GLI3: variants seen among roughly 807,000 people sequenced by gnomAD.
GLI3 encodes the protein GLI family zinc finger 3.
Under a neutral mutation model 100.8 loss-of-function variants are expected in GLI3, and 20 were observed. The ratio of observed to expected loss-of-function variants is 0.20; its 90% CI spans 0.14 to 0.29. The LOEUF (loss-of-function observed/expected upper bound fraction) is 0.29, where lower values mean the gene tolerates loss of function less well. Ranked by LOEUF, GLI3 falls within the 10% of genes least tolerant of loss-of-function variation. The pLI is 1.00. For synonymous variants in GLI3, 938 were observed against 860.5 expected (o/e 1.09, Z -1.58); for missense variants, 2,040 against 2,128.5 (o/e 0.96, Z 0.82).
At chr7:42,178,085 C>A (rs560824954) in intron 2 of GLI3, among the ~76,000 whole-genome samples, 1 of 152,320 alleles carries the variant, frequency 6.6e-6, no homozygotes, top group South Asian at 2.1e-4. Flanking sequence ...CTGAGGGGTA[C>A]AGTGAATGTG....
At chr7:42,227,681 G>A (rs1788608696) in intron 1 of GLI3, 1 of 152,166 alleles carries the variant, frequency 6.6e-6, no homozygotes, top group African/African-American at 2.4e-5. Context: ...GTCTGCATTT[G>A]AAAGTAAGCA....
At chr7:42,244,537 A>G (rs1455008445) in intron 1 of GLI3, among the ~76,000 whole-genome samples, 1 of 152,062 alleles carries the variant, frequency 6.6e-6, no homozygotes, top group East Asian at 1.9e-4. Context: ...TGCCTGAGCA[A>G]CTACAGTCAG....
At chr7:41,995,051 G>A (rs1477709053) in intron 10 of GLI3, among the ~76,000 whole-genome samples, 1 of 152,222 alleles carries the variant, frequency 6.6e-6, no homozygotes, top group Admixed American at 6.5e-5. Context: ...GAAACTCAAT[G>A]TTCGGCCAAA....
chr7:42,234,451 G>A (rs1292472741), intron 1 of GLI3, among the ~76,000 whole-genome samples: 1 of 152,134 alleles, frequency 6.6e-6, no homozygotes. Context: ...CTTGCACATC[G>A]AATTGATAAA....
intron 10 of GLI3, among the ~76,000 whole-genome samples, chr7:42,010,557 G>A (rs972812969): frequency 6.6e-6 from 1 of 152,186 alleles, no homozygotes; most frequent in Non-Finnish European, 1.5e-5. Flanking sequence ...AGTTTCTGAT[G>A]AAGTGTTATA....
At chr7:42,028,230 C>A (rs573346708) in intron 7 of GLI3, among the ~76,000 whole-genome samples, 2 of 152,296 alleles carry the variant, frequency 1.3e-5, no homozygotes, top group South Asian at 4.1e-4. Context: ...CCATGGCACA[C>A]CGACTTTGCA....
At chr7:42,062,734 C>T (rs1784596884) in intron 4 of GLI3, among the ~76,000 whole-genome samples, 1 of 151,858 alleles carries the variant, frequency 6.6e-6, no homozygotes, top group Admixed American at 6.6e-5. Context: ...CACACACACA[C>T]ATTTCTAAGA....
At chr7:42,191,650 C>CAA (rs774316500) in intron 2 of GLI3, among the ~76,000 whole-genome samples, 10,989 of 146,648 alleles carry the variant, frequency 0.075, 421 homozygotes, top group African/African-American at 0.1. Context: ...AACTCCGTTT[C>CAA]AAAAAATATA....
intron 2 of GLI3, among the ~76,000 whole-genome samples, chr7:42,194,365 C>T (rs980010491): frequency 6.6e-6 from 1 of 152,198 alleles, no homozygotes; most frequent in African/African-American, 2.4e-5. Flanking sequence ...GCCAAGCTCC[C>T]AGGAGGCAGC....
chr7:42,115,553 G>A (rs974211445), intron 3 of GLI3, among the ~76,000 whole-genome samples: 17 of 152,136 alleles, frequency 1.1e-4, no homozygotes, highest in Non-Finnish European at 2.4e-4. Context: ...CAGGTGACGT[G>A]GATGTTACAT....
At chr7:42,102,120 A>T (rs1785477549) in intron 3 of GLI3, among the ~76,000 whole-genome samples, 1 of 151,764 alleles carries the variant, frequency 6.6e-6, no homozygotes, top group South Asian at 2.1e-4. Context: ...AGTCTTTGCT[A>T]TTGTGAATAA....
intron 2 of GLI3, among the ~76,000 whole-genome samples, chr7:42,157,374 C>T (rs1480875110): frequency 6.6e-6 from 1 of 152,170 alleles, no homozygotes; most frequent in Non-Finnish European, 1.5e-5. Flanking sequence ...CAGGTACTGC[C>T]TATGAGGGAG....
At chr7:42,155,834 T>A (rs699503) in intron 2 of GLI3, among the ~76,000 whole-genome samples, 92,389 of 151,652 alleles carry the variant, frequency 0.61, 30,170 homozygotes, top group African/African-American at 0.86. Context: ...ATTTTTTTTT[T>A]AAAAAGATAA....
At position 42,154,840 on chromosome 7, in the gene GLI3, C is replaced by T. The variant is rs551733585; in HGVS notation, c.125-6372G>A. Among the ~76,000 whole-genome samples, 5 of 152,290 alleles carry T rather than the reference C, an allele frequency of 3.3e-5. No homozygotes were observed. The South Asian group carries it at 8.3e-4, about 25-fold the overall frequency. ...TTCCAAAGGGCGTGAGCAAACAATG[C>T]CCACTCTAAGAACATTTCCAATACC... On this transcript the variant is annotated intron_variant, in intron 2 of 14. Transcript: ENST00000395925.
At chr7:42,004,611 A>C (rs1333749654) in intron 10 of GLI3, among the ~76,000 whole-genome samples, 1 of 152,044 alleles carries the variant, frequency 6.6e-6, no homozygotes, top group Non-Finnish European at 1.5e-5. Context: ...AAAAATATAT[A>C]CTCCATTATT....
intron 3 of GLI3, among the ~76,000 whole-genome samples, chr7:42,131,941 G>A (rs1786287721): frequency 1.3e-5 from 2 of 151,986 alleles, no homozygotes; most frequent in South Asian, 4.1e-4. Flanking sequence ...AAAAATATAA[G>A]CACATTCTGG....
At chr7:42,081,751 A>C (rs568109156) in intron 3 of GLI3, among the ~76,000 whole-genome samples, 2 of 152,318 alleles carry the variant, frequency 1.3e-5, no homozygotes, top group African/African-American at 4.8e-5. Flanking sequence ...TTAAGGTTTG[A>C]AATTTACATA....
intron 1 of GLI3, among the ~76,000 whole-genome samples, chr7:42,235,632 TGGAGA>T (rs1024079360): frequency 1.6e-4 from 25 of 152,258 alleles, no homozygotes; most frequent in African/African-American, 6.0e-4. Context: ...AAAGCCTAAC[TGGAGA>T]GAAGAGGGAG....
chr7:41,995,232 A>G (rs6969239), intron 10 of GLI3, among the ~76,000 whole-genome samples: 94,976 of 152,150 alleles, frequency 0.62, 31,513 homozygotes, highest in African/African-American at 0.87. Context: ...GTCCCAGGCT[A>G]TAGGTATTAA....
Sources: allele counts gnomAD v4.1 joint callset (sites outside exome capture counted in the v4.1 genomes callset), GRCh38; gene constraint gnomAD v4.1.1; transcripts MANE v1.5; gene names NCBI Gene and HGNC (gene_info 2026-07-23, HGNC 2026-07-21).